The following WASF2 variants were observed in gnomAD, a reference collection of about 807,000 sequenced individuals.
WASF2 encodes the protein actin-binding protein WASF2.
WASF2 carries 14 observed loss-of-function variants against 45.0 expected under a neutral mutation model. The ratio of observed to expected loss-of-function variants is 0.31; its 90% CI spans 0.21 to 0.49. WASF2 has a LOEUF of 0.49. Ranked by LOEUF, WASF2 falls within the 20% of genes least tolerant of loss-of-function variation. The pLI is 0.99. For missense variants in WASF2, 439 were observed against 636.1 expected, an observed-to-expected ratio of 0.69 and a Z score of 3.33; for synonymous variants, 200 against 236.3, an observed-to-expected ratio of 0.85 and a Z score of 1.41.
intron 1 of WASF2, among the ~76,000 whole-genome samples, chr1:27,450,759 A>G (rs2017373986): frequency 6.6e-6 from 1 of 151,314 alleles, no homozygotes; most frequent in African/African-American, 2.4e-5. Context: ...TTGGCCTCCC[A>G]AAGTGCTGGG....
chr1:27,411,153 A>AG (rs2016756005), intron 7 of WASF2, among the ~76,000 whole-genome samples: 2 of 152,234 alleles, frequency 1.3e-5, no homozygotes, highest in Non-Finnish European at 2.9e-5. Context: ...AGGACAGCAC[A>AG]GCTTTAGGTC....
chr1:27,421,792 G>A (rs1043977860), intron 2 of WASF2, among the ~76,000 whole-genome samples: 1 of 151,488 alleles, frequency 6.6e-6, no homozygotes, highest in Admixed American at 6.6e-5. Context: ...CTCTAGCCTA[G>A]GTGAGACAGC....
intron 2 of WASF2, among the ~76,000 whole-genome samples, chr1:27,421,162 T>C (rs532129628): frequency 2.0e-5 from 3 of 152,338 alleles, no homozygotes; most frequent in Non-Finnish European, 4.4e-5. Context: ...TAAACAACTA[T>C]GGGACGCTCC....
chr1:27,422,618 CAAAAAAA>C (rs782035111), intron 2 of WASF2, among the ~76,000 whole-genome samples: 9 of 128,854 alleles, frequency 7.0e-5, no homozygotes, highest in Admixed American at 3.2e-4. Context: ...GACTCCGTCT[CAAAAAAA>C]AAAAAAAAAA....
chr1:27,478,548 G>A lies in WASF2; in HGVS notation c.-44+11438C>T, dbSNP rs148962321. Among the ~76,000 whole-genome samples, 402 of 152,268 alleles carry A rather than the reference G, an allele frequency of 2.6e-3. 2 individuals are homozygous for A. The highest frequency in any genetic ancestry group is 9.3e-3 in the African/African-American group (386 of 41,574). ...AGATTGACTGGAAGGGGAACTGGAA[G>A]GAGGGAACTTTGGAGGGTTATAAAA... On this transcript the variant is annotated intron_variant, in intron 1 of 8. Transcript: ENST00000618852.
intron 1 of WASF2, among the ~76,000 whole-genome samples, chr1:27,441,443 C>T (rs982391323): frequency 3.3e-5 from 5 of 149,732 alleles, no homozygotes; most frequent in Admixed American, 6.7e-5. Context: ...GCTTGGCCAA[C>T]AGAGTGAAAC....
At chr1:27,440,005 A>G (rs1173794966) in intron 1 of WASF2, among the ~76,000 whole-genome samples, 1 of 152,196 alleles carries the variant, frequency 6.6e-6, no homozygotes, top group East Asian at 1.9e-4. Context: ...TGTCTCAAAA[A>G]AACAAAAGTA....
intron 1 of WASF2, among the ~76,000 whole-genome samples, chr1:27,435,428 T>A (rs913967592): frequency 1.8e-4 from 27 of 151,912 alleles, no homozygotes; most frequent in Non-Finnish European, 4.0e-4. Flanking sequence ...CTGCAAAAAA[T>A]TTTAAAAATT....
At chr1:27,461,640 TA>T (rs1188351162) in intron 1 of WASF2, among the ~76,000 whole-genome samples, 5 of 151,542 alleles carry the variant, frequency 3.3e-5, no homozygotes, top group Non-Finnish European at 1.5e-5. Flanking sequence ...TTTTTTTTTT[TA>T]AATTTCTTAT....
chr1:27,472,686 G>A (rs1181156676), intron 1 of WASF2, among the ~76,000 whole-genome samples: 1 of 144,836 alleles, frequency 6.9e-6, no homozygotes, highest in Non-Finnish European at 1.5e-5. Flanking sequence ...GGGAAATCAG[G>A]CCAGGGTGGC....
chr1:27,441,024 G>A (rs990648486), intron 1 of WASF2, among the ~76,000 whole-genome samples: 15 of 151,704 alleles, frequency 9.9e-5, no homozygotes, highest in South Asian at 2.1e-4. Flanking sequence ...ATGCCACCAC[G>A]CTCAGCTAAT....
Position 27,408,433 on chromosome 1 carries a change from A to G in WASF2, c.1340-87T>C, listed in dbSNP as rs543434017. The G allele has an allele frequency of 1.4e-5, 22 of 1,542,108 alleles. No homozygotes were observed. The South Asian group carries it at 2.4e-4, about 16-fold the overall frequency. Reference sequence around the variant, plus strand: ...ACTGGGTAAGAGGGAGTGGCCACCAATGGGTAAGTGGTATTGGAAAGGATA... The same window carrying G: ...ACTGGGTAAGAGGGAGTGGCCACCAGTGGGTAAGTGGTATTGGAAAGGATA... On this transcript the variant is annotated intron_variant, in intron 8 of 8. Coordinates refer to ENST00000618852, the MANE Select transcript of WASF2 (RefSeq NM_006990.5).
Position 27,414,228 on chromosome 1 carries a change from C to T in WASF2, c.668+605G>A, listed in dbSNP as rs184116467. Reference sequence around the variant, plus strand: ...AAAACCATCTTTTTCCCCCTTTAAACCTCCAGTGTGATTTGGTATTGGGAA... The same window carrying T: ...AAAACCATCTTTTTCCCCCTTTAAATCTCCAGTGTGATTTGGTATTGGGAA... On this transcript the variant is annotated intron_variant, in intron 6 of 8. Transcript: ENST00000618852. The surrounding 1 kb of genome is among the most constrained non-coding windows in gnomAD (Gnocchi z 4.1). 9.7e-4 allele frequency among the ~76,000 whole-genome samples: 148 copies of T among 152,334 alleles called. No individual in the cohort carries two copies. Among genetic ancestry groups the T allele is most frequent in the African/African-American group, 2.8e-3 (116 of 41,574 alleles).
chr1:27,405,599 CTTTTTTTTTTTTTTTTTTTTT>C lies in WASF2; in HGVS notation c.*2569_*2589del, dbSNP rs769753375. Reference sequence around the variant, plus strand: ...TAAAGGGCTCTGGGTCTAAAGAAGCCTTTTTTTTTTTTTTTTTTTTTTTTTTTTTTTTGGTGCATATGCATA... The same window carrying C: ...TAAAGGGCTCTGGGTCTAAAGAAGCCTTTTTTTTTTTGGTGCATATGCATA... On this transcript the variant is annotated 3_prime_UTR_variant, in exon 9 of 9. Coordinates refer to ENST00000618852, the MANE Select transcript of WASF2 (RefSeq NM_006990.5). 1 of 56,638 alleles carries C rather than the reference CTTTTTTTTTTTTTTTTTTTTT, an allele frequency of 1.8e-5. No homozygotes were observed. Among genetic ancestry groups the C allele is most frequent in the South Asian group, 8.5e-4 (1 of 1,176 alleles). The allele number at this position is 56,638 out of a possible 1,614,324, so 3.5% of individuals were successfully genotyped here.
At chr1:27,484,802 ACT>A (rs1457806977) in intron 1 of WASF2, among the ~76,000 whole-genome samples, 1 of 150,950 alleles carries the variant, frequency 6.6e-6, no homozygotes, top group East Asian at 1.9e-4. Flanking sequence ...ACAGAGCGAG[ACT>A]CTGTCTCAAA....
Position 27,407,651 on chromosome 1 carries a change from A to T in WASF2, c.*538T>A, listed in dbSNP as rs2016697304. 1 of 152,402 alleles carries T rather than the reference A, an allele frequency of 6.6e-6. No individual in the cohort carries two copies. The highest frequency in any genetic ancestry group is 2.1e-4 in the South Asian group (1 of 4,834). 9.4% of individuals were successfully genotyped at this position (152,402 alleles called of 1,614,324 possible). ...ATCCCAGGCATAGAGATCGCTTAGC[A>T]AAAGGCAGGCCCACCCTGCTGATTA... On this transcript the variant is annotated 3_prime_UTR_variant, in exon 9 of 9. Coordinates refer to ENST00000618852, the MANE Select transcript of WASF2 (RefSeq NM_006990.5).
chr1:27,454,328 C>T (rs1015122718), intron 1 of WASF2, among the ~76,000 whole-genome samples: 22 of 150,658 alleles, frequency 1.5e-4, no homozygotes, highest in African/African-American at 4.4e-4. Context: ...GTAGCTGGGA[C>T]CACAAGCGTG....
intron 1 of WASF2, among the ~76,000 whole-genome samples, chr1:27,466,594 C>G (rs533417355): frequency 4.6e-5 from 7 of 152,266 alleles, no homozygotes; most frequent in Middle Eastern, 6.8e-3. Context: ...TGCTGCTGGG[C>G]GCAGTGGTGC....
chr1:27,435,857 T>C (rs1434235435), intron 1 of WASF2, among the ~76,000 whole-genome samples: 2 of 152,226 alleles, frequency 1.3e-5, no homozygotes, highest in African/African-American at 2.4e-5. Context: ...AGGTCACTGA[T>C]AACACCTGCA....
Sources: allele counts gnomAD v4.1 joint callset (sites outside exome capture counted in the v4.1 genomes callset), GRCh38; gene constraint gnomAD v4.1.1; non-coding constraint Gnocchi (gnomAD v3.1); transcripts MANE v1.5; gene names NCBI Gene and HGNC (gene_info 2026-07-23, HGNC 2026-07-21).